Variants in SAMD12 observed in about 807,000 individuals in gnomAD.
SAMD12 encodes sterile alpha motif domain containing 12, also known as sterile alpha motif domain-containing protein 12.
Under a neutral mutation model 15.0 loss-of-function variants are expected in SAMD12, and 9 were observed. The ratio of observed to expected loss-of-function variants is 0.60; its 90% CI spans 0.36 to 1.05. SAMD12 has a LOEUF of 1.05. Among genes scored for constraint, SAMD12 ranks in the 50% least tolerant of loss-of-function variants. The probability of loss-of-function intolerance (pLI) is 0.01; values close to 1 mark genes in which losing one functional copy is unlikely to be tolerated. For missense variants in SAMD12, 230 were observed against 234.2 expected (o/e 0.98, Z 0.12); for synonymous variants, 86 against 90.1 (o/e 0.96, Z 0.25).
chr8:118,619,527 C>T (rs1377092989), intron 1 of SAMD12, among the ~76,000 whole-genome samples: 2 of 151,542 alleles, frequency 1.3e-5, no homozygotes, highest in Non-Finnish European at 2.9e-5. Context: ...TCAGAAATCC[C>T]TTATTGTATC....
At chr8:118,616,778 C>A (rs1027640247) in intron 1 of SAMD12, among the ~76,000 whole-genome samples, 1 of 152,172 alleles carries the variant, frequency 6.6e-6, no homozygotes, top group African/African-American at 2.4e-5. Context: ...GGAACCACAC[C>A]GCACAGCAGG....
intron 4 of SAMD12, among the ~76,000 whole-genome samples, chr8:118,229,772 T>C (rs1339775067): frequency 1.3e-5 from 2 of 152,074 alleles, no homozygotes; most frequent in East Asian, 1.9e-4. Context: ...CACTGTCACA[T>C]AGAATTCCCC....
intron 2 of SAMD12, among the ~76,000 whole-genome samples, chr8:118,455,142 C>G (rs562862801): frequency 6.6e-6 from 1 of 152,162 alleles, no homozygotes; most frequent in South Asian, 2.1e-4. Flanking sequence ...CACTGAGACA[C>G]GCAGGTTGCT....
intron 2 of SAMD12, among the ~76,000 whole-genome samples, chr8:118,457,541 T>C (rs1823294630): frequency 6.6e-6 from 1 of 152,162 alleles, no homozygotes. Context: ...AAAATGTGTT[T>C]TTAGAAATAT....
intron 4 of SAMD12, among the ~76,000 whole-genome samples, chr8:118,302,610 C>A (rs1815108206): frequency 6.6e-6 from 1 of 152,162 alleles, no homozygotes; most frequent in Non-Finnish European, 1.5e-5. Flanking sequence ...GGAGTTCAGT[C>A]CAGTAACGTA....
chr8:118,376,116 A>C (rs963360356), downstream of SAMD12, among the ~76,000 whole-genome samples: 2 of 152,210 alleles, frequency 1.3e-5, no homozygotes, highest in Non-Finnish European at 2.9e-5. Context: ...CCAAGAAACT[A>C]TATTTTGAAA....
chr8:118,413,055 G>A (rs917842067), intron 3 of SAMD12, among the ~76,000 whole-genome samples: 2 of 152,098 alleles, frequency 1.3e-5, no homozygotes, highest in Non-Finnish European at 2.9e-5. Context: ...TGGAGGGCAA[G>A]AAGCAAAGCA....
chr8:118,164,974 GAT>G, the SAMD12 span, among the ~76,000 whole-genome samples: 1 of 116,570 alleles, frequency 8.6e-6, no homozygotes, highest in Non-Finnish European at 1.6e-5. Context: ...TCTGACACTA[GAT>G]GTGTGTGTGT....
chr8:118,390,537 A>AC (rs2130751621), intron 3 of SAMD12, among the ~76,000 whole-genome samples: 1 of 152,048 alleles, frequency 6.6e-6, no homozygotes, highest in African/African-American at 2.4e-5. Context: ...AGCTTAAGTG[A>AC]CCCCCAGCCC....
At chr8:118,276,872 C>A (rs536417788) in intron 4 of SAMD12, among the ~76,000 whole-genome samples, 1 of 152,224 alleles carries the variant, frequency 6.6e-6, no homozygotes, top group South Asian at 2.1e-4. Context: ...AGGGTTTCGC[C>A]ATGTTGACCA....
intron 4 of SAMD12, among the ~76,000 whole-genome samples, chr8:118,299,520 T>A (rs10808497): frequency 0.43 from 65,411 of 151,854 alleles, 15,821 homozygotes; most frequent in African/African-American, 0.67. Context: ...AACTCTGGGA[T>A]GATCTTATTG....
intron 2 of SAMD12, among the ~76,000 whole-genome samples, chr8:118,547,637 T>C (rs956033713): frequency 8.5e-5 from 13 of 152,222 alleles, no homozygotes; most frequent in Non-Finnish European, 1.8e-4. Context: ...CCAGTCTTTA[T>C]GGGTTTCTTG....
In SAMD12 at chr8:118,258,688, G is replaced by A. The variant is rs148777037; in HGVS notation, c.434-60956C>T. 2.3e-4 allele frequency among the ~76,000 whole-genome samples: 35 copies of A among 152,202 alleles called. No homozygotes were observed. The East Asian group carries it at 6.2e-3, about 27-fold the overall frequency. The stretch of plus-strand genomic sequence containing the variant: ...AATAAGACTAATTACTCCCTGAAAG[G>A]TCTGTTTACAAATGATGGGAATGTT... On this transcript the variant is annotated intron_variant, in intron 4 of 4. Coordinates refer to the SAMD12 transcript ENST00000409003.
chr8:118,172,415 T>G, the SAMD12 span, among the ~76,000 whole-genome samples: 1 of 152,210 alleles, frequency 6.6e-6, no homozygotes, highest in Non-Finnish European at 1.5e-5. Flanking sequence ...AGAATATATA[T>G]TTGATCATTG....
At chr8:118,544,585 GA>G (rs1337464340) in intron 2 of SAMD12, among the ~76,000 whole-genome samples, 9 of 152,170 alleles carry the variant, frequency 5.9e-5, no homozygotes, top group African/African-American at 2.2e-4. Flanking sequence ...CACATTCCTT[GA>G]AAATCACACT....
intron 1 of SAMD12, among the ~76,000 whole-genome samples, chr8:118,611,394 T>C (rs1285802918): frequency 6.6e-6 from 1 of 152,164 alleles, no homozygotes; most frequent in Non-Finnish European, 1.5e-5. Context: ...CACGGATACA[T>C]ACCTGGTGCT....
At chr8:118,148,342 C>T in the SAMD12 span, among the ~76,000 whole-genome samples, 1 of 151,952 alleles carries the variant, frequency 6.6e-6, no homozygotes, top group African/African-American at 2.4e-5. Flanking sequence ...TTTAAAATTA[C>T]AAATGATCTA....
chr8:118,145,817 G>T, the SAMD12 span, among the ~76,000 whole-genome samples: 1 of 152,218 alleles, frequency 6.6e-6, no homozygotes, highest in East Asian at 1.9e-4. Flanking sequence ...GGAGTCCTGA[G>T]TTGGCCCTGG....
chr8:118,318,343 TA>T (rs1816047988), intron 4 of SAMD12, among the ~76,000 whole-genome samples: 1 of 123,156 alleles, frequency 8.1e-6, no homozygotes, highest in South Asian at 2.5e-4. Flanking sequence ...TATATATATA[TA>T]TATATATATA....
Sources: gnomAD v4.1 joint callset for allele counts (sites outside exome capture counted in the v4.1 genomes callset) on GRCh38, gnomAD v4.1.1 for gene constraint, MANE v1.5 for transcripts, NCBI Gene and HGNC (gene_info 2026-07-23, HGNC 2026-07-21) for gene names.